The following NOL4 variants were observed in gnomAD, a reference collection of about 807,000 sequenced individuals.
NOL4 encodes the protein cancer/testis antigen 125.
In NOL4, 17 loss-of-function variants were observed where a neutral mutation model predicts 75.9. The observed-to-expected ratio is 0.22, with a 90% confidence interval of 0.15 to 0.34. NOL4 has a LOEUF of 0.34. Among genes scored for constraint, NOL4 ranks in the 10% least tolerant of loss-of-function variants. NOL4 has a pLI of 1.00. For synonymous variants in NOL4, 292 were observed against 289.9 expected (o/e 1.01, Z -0.07); for missense variants, 614 against 793.5 (o/e 0.77, Z 2.72).
chr18:33,881,931 C>T (rs2064306519), intron 10 of NOL4, among the ~76,000 whole-genome samples: 1 of 152,004 alleles, frequency 6.6e-6, no homozygotes, highest in Non-Finnish European at 1.5e-5. Flanking sequence ...CTTTGACAAA[C>T]CTGAGAAAAA....
intron 6 of NOL4, among the ~76,000 whole-genome samples, chr18:33,961,977 G>A (rs1225861115): frequency 6.6e-6 from 1 of 152,080 alleles, no homozygotes; most frequent in Non-Finnish European, 1.5e-5. Flanking sequence ...TGCTGGCCCA[G>A]CACCTTTTTC....
chr18:34,085,374 G>T (rs2078198116), intron 5 of NOL4, among the ~76,000 whole-genome samples: 1 of 152,160 alleles, frequency 6.6e-6, no homozygotes, highest in Admixed American at 6.5e-5. Context: ...CTGTCAAGAA[G>T]ATAGTGACAA....
chr18:34,125,763 G>T (rs2080356512), intron 2 of NOL4, among the ~76,000 whole-genome samples: 1 of 151,988 alleles, frequency 6.6e-6, no homozygotes, highest in Admixed American at 6.6e-5. Flanking sequence ...TAAAAAAAGA[G>T]ACAATTTTAT....
At chr18:33,911,865 T>C (rs563766327) in intron 9 of NOL4, among the ~76,000 whole-genome samples, 12 of 152,236 alleles carry the variant, frequency 7.9e-5, no homozygotes, top group African/African-American at 2.6e-4. Context: ...TGCCCATTTT[T>C]AGCATATTTT....
chr18:34,168,440 A>AG (rs1039893255), intron 1 of NOL4, among the ~76,000 whole-genome samples: 195 of 150,882 alleles, frequency 1.3e-3, no homozygotes, highest in Middle Eastern at 0.01. Flanking sequence ...CAATAGTTTC[A>AG]GGGGGGAAAA....
At chr18:34,099,578 CACA>C (rs1344136932) in intron 4 of NOL4, among the ~76,000 whole-genome samples, 2 of 152,124 alleles carry the variant, frequency 1.3e-5, no homozygotes, top group East Asian at 3.9e-4. Context: ...TCACTCTCTA[CACA>C]ACAGCTCAAA....
chr18:33,999,874 G>A (rs2073570865), intron 6 of NOL4, among the ~76,000 whole-genome samples: 1 of 151,878 alleles, frequency 6.6e-6, no homozygotes, highest in Non-Finnish European at 1.5e-5. Flanking sequence ...GGTTGGTATC[G>A]AAGCCCTGAC....
chr18:34,221,219 AGT>A (rs1194396144), intron 1 of NOL4: 1 of 152,216 alleles, frequency 6.6e-6, no homozygotes, highest in Non-Finnish European at 1.5e-5. Context: ...CCCAACTAAC[AGT>A]GTTTCTTTAA....
chr18:33,959,538 G>C (rs1198442560), intron 6 of NOL4, among the ~76,000 whole-genome samples: 2 of 151,884 alleles, frequency 1.3e-5, no homozygotes, highest in Non-Finnish European at 2.9e-5. Flanking sequence ...AATCTTCTTA[G>C]CATATTCTAG....
chr18:34,211,690 C>T (rs1019451385), intron 1 of NOL4, among the ~76,000 whole-genome samples: 7 of 152,064 alleles, frequency 4.6e-5, no homozygotes, highest in African/African-American at 7.2e-5. Flanking sequence ...TTCAAAAACT[C>T]GTAACTGTGA....
intron 5 of NOL4, among the ~76,000 whole-genome samples, chr18:34,066,093 A>C (rs2077265014): frequency 6.6e-6 from 1 of 151,982 alleles, no homozygotes; most frequent in Non-Finnish European, 1.5e-5. Context: ...ATATTCTAAC[A>C]ACAAAAATAA....
chr18:34,135,383 A>T (rs1251044294), intron 1 of NOL4, among the ~76,000 whole-genome samples: 1 of 152,118 alleles, frequency 6.6e-6, no homozygotes, highest in Admixed American at 6.5e-5. Flanking sequence ...TCACAAGTAT[A>T]AAGACAAAAT....
At chr18:34,026,390 C>T (rs747186882) in intron 5 of NOL4, among the ~76,000 whole-genome samples, 1 of 152,128 alleles carries the variant, frequency 6.6e-6, no homozygotes, top group Non-Finnish European at 1.5e-5. Context: ...AATCTGATTC[C>T]CATGTAGGAG....
At chr18:34,117,458 T>C (rs1413575015) in intron 2 of NOL4, among the ~76,000 whole-genome samples, 1 of 152,216 alleles carries the variant, frequency 6.6e-6, no homozygotes, top group African/African-American at 2.4e-5. Flanking sequence ...TAATGCTCCC[T>C]GGTGTGAAGT....
rs544166438 is a variant in NOL4 at position 34,180,438 on chromosome 18, C to G, written c.264+42552G>C. 2.3e-4 allele frequency among the ~76,000 whole-genome samples: 35 copies of G among 151,494 alleles called. 1 individual carries two copies. In the South Asian group the frequency reaches 7.3e-3, roughly 31 times the overall value. ...ATTTGAGAAAAATCCAACATGCTTCCATGACAAAAAAGCTCAACAAACTGG... is the reference window on the plus strand; with the variant it reads ...ATTTGAGAAAAATCCAACATGCTTCGATGACAAAAAAGCTCAACAAACTGG... On this transcript the variant is annotated intron_variant, in intron 1 of 10. Transcript: ENST00000261592.
intron 5 of NOL4, among the ~76,000 whole-genome samples, chr18:34,024,350 C>T (rs1026286981): frequency 2.0e-5 from 3 of 150,814 alleles, no homozygotes; most frequent in Non-Finnish European, 4.4e-5. Flanking sequence ...TGATGCCCCC[C>T]TTAGAAAACT....
At chr18:33,866,289 A>T (rs2144390571) in intron 10 of NOL4, among the ~76,000 whole-genome samples, 1 of 152,230 alleles carries the variant, frequency 6.6e-6, no homozygotes, top group South Asian at 2.1e-4. Context: ...TGCTTTTTTT[A>T]AATTCTAAAT....
intron 10 of NOL4, among the ~76,000 whole-genome samples, chr18:33,861,357 T>C (rs1424987272): frequency 6.6e-6 from 1 of 152,210 alleles, no homozygotes; most frequent in Non-Finnish European, 1.5e-5. Flanking sequence ...CCTGGTTTAG[T>C]CTTGGGAGAG....
chr18:34,171,660 C>T (rs1304321548), intron 1 of NOL4, among the ~76,000 whole-genome samples: 3 of 152,228 alleles, frequency 2.0e-5, no homozygotes, highest in East Asian at 3.9e-4. Context: ...GGAAAGTCAA[C>T]ATTCTTCTAG....
Sources: allele counts gnomAD v4.1 joint callset (sites outside exome capture counted in the v4.1 genomes callset), GRCh38; gene constraint gnomAD v4.1.1; transcripts MANE v1.5; gene names NCBI Gene and HGNC (gene_info 2026-07-23, HGNC 2026-07-21).